The following PRMT7 variants were observed in gnomAD, a reference collection of about 807,000 sequenced individuals.
PRMT7 encodes protein arginine N-methyltransferase 7.
A neutral mutation model predicts 85.4 loss-of-function variants in PRMT7; 75 were observed. The observed-to-expected ratio is 0.88, with a 90% CI of 0.73 to 1.06. The LOEUF (loss-of-function observed/expected upper bound fraction) is 1.06, where lower values mean the gene tolerates loss of function less well. PRMT7 is among the 50% of genes least tolerant of loss of function. The probability of loss-of-function intolerance (pLI) is 0.00; values close to 1 mark genes in which losing one functional copy is unlikely to be tolerated. For missense variants in PRMT7, 868 were observed against 915.2 expected, an observed-to-expected ratio of 0.95 and a Z score of 0.67; for synonymous variants, 397 against 359.5, an observed-to-expected ratio of 1.10 and a Z score of -1.18.
chr16:68,315,126 AAG>A (rs998404718), intron 2 of PRMT7: 1 of 151,810 alleles, frequency 6.6e-6, no homozygotes, highest in Non-Finnish European at 1.5e-5. Context: ...AAAAAAAAAA[AAG>A]AAAAAGAATG....
intron 7 of PRMT7, among the ~76,000 whole-genome samples, chr16:68,338,992 G>T (rs1373722078): frequency 6.6e-6 from 1 of 152,168 alleles, no homozygotes; most frequent in Non-Finnish European, 1.5e-5. Flanking sequence ...TTGGTGCTGG[G>T]CAGGAGCGGC....
intron 9 of PRMT7, 125 bp from the exon 10 acceptor site, chr16:68,345,550 A>G (rs1263289804): frequency 2.9e-6 from 4 of 1,399,814 alleles, no homozygotes; most frequent in Admixed American, 3.7e-5. Flanking sequence ...CTTGGCCACA[A>G]TAGCCAGCTG....
At chr16:68,355,612 G>A (rs2088262309) in intron 16 of PRMT7, 111 bp from the exon 17 acceptor site, 1 of 1,166,534 alleles carries the variant, frequency 8.6e-7, no homozygotes, top group African/African-American at 1.6e-5. Context: ...ATCTTTATGG[G>A]AGAACGCACA....
intron 6 of PRMT7, among the ~76,000 whole-genome samples, chr16:68,337,249 G>A (rs906752647): frequency 1.3e-5 from 2 of 151,952 alleles, no homozygotes; most frequent in Non-Finnish European, 2.9e-5. Context: ...TTATCAATTA[G>A]CGTTTTGTCA....
intron 5 of PRMT7, among the ~76,000 whole-genome samples, chr16:68,325,742 G>C (rs2083035852): frequency 2.0e-5 from 3 of 149,234 alleles, no homozygotes; most frequent in Admixed American, 2.0e-4. Context: ...AGTGAGCCGA[G>C]ATTGCGCCAC....
At chr16:68,340,581 T>TA (rs34764923) in intron 9 of PRMT7, among the ~76,000 whole-genome samples, 141 of 142,748 alleles carry the variant, frequency 9.9e-4, no homozygotes, top group African/African-American at 1.5e-3. Context: ...AACCTGTCTC[T>TA]AAAAAAAAAA....
rs1171576890 is a variant in PRMT7, at chr16:68,339,348, A to G, written c.531A>G (p.Arg177=). The change falls in exon 8 of 19, where the codon AGA becomes AGG. Residue 177 remains arginine (R), a synonymous_variant. Coordinates refer to ENST00000441236, the MANE Select transcript of PRMT7 (RefSeq NM_019023.5). ...AAAATTGTGAGGCCGTGCCCCACAG[A>G]GCCACCGTCTATGCACAGCTGGTGG... ...VEENCEAVPH[R]ATVYAQLVES... is the part of the protein sequence containing the mutation. 6.2e-7 allele frequency: 1 copy of G among 1,614,174 alleles called. No individual in the cohort carries two copies. The highest frequency in any genetic ancestry group is 8.5e-7 in the Non-Finnish European group (1 of 1,180,018).
chr16:68,335,148 T>C (rs940961686), intron 6 of PRMT7, among the ~76,000 whole-genome samples: 6 of 152,204 alleles, frequency 3.9e-5, no homozygotes, highest in Admixed American at 2.6e-4. Context: ...TTTTAAGTTA[T>C]ATAATTGGTT....
chr16:68,320,975 A>C (rs887352791), intron 3 of PRMT7, among the ~76,000 whole-genome samples: 4 of 152,100 alleles, frequency 2.6e-5, no homozygotes, highest in African/African-American at 7.2e-5. Context: ...TCTAAAAATA[A>C]ACAAAAAAAT....
At chr16:68,316,149 C>G (rs369226832) in intron 3 of PRMT7, 75 bp downstream of exon 3, 4 of 1,290,858 alleles carry the variant, frequency 3.1e-6, no homozygotes, top group African/African-American at 2.9e-5. Context: ...GGGCTCCAGT[C>G]TGAGCGTGGG....
intron 6 of PRMT7, 22 bp from the exon 7 acceptor site, chr16:68,337,435 ACT>A (rs772890875): frequency 1.7e-5 from 26 of 1,548,526 alleles, no homozygotes; most frequent in Non-Finnish European, 2.1e-5. Context: ...CTTATGTCCA[ACT>A]CTGTTTTCTT....
At position 68,357,079 on chromosome 16, in the gene PRMT7, G is replaced by A; in HGVS notation, c.1934G>A (p.Cys645Tyr). 2 of 1,611,366 alleles carry A rather than the reference G, an allele frequency of 1.2e-6. No individual in the cohort carries two copies. Among genetic ancestry groups the A allele is most frequent in the Non-Finnish European group, 1.7e-6 (2 of 1,178,760 alleles). Residue 645 changes from cysteine (C) to tyrosine (Y), a missense_variant, in exon 19 of 19, where the codon TGC (cysteine) becomes TAC (tyrosine). By Grantham distance (194) the Cys-to-Tyr change is radical. Transcript: ENST00000441236. ...PEGGCCWNPH[C>Y]KQAVYFFSPA... The stretch of plus-strand genomic sequence containing the variant: ...GGGGGCTGCTGCTGGAACCCCCACT[G>A]CAAGCAGGCCGTCTACTTCTTCAGC...
rs776884435 is a variant in PRMT7 at position 68,339,540 on chromosome 16, C to T, written c.723C>T (p.Leu241=). Residue 241 remains leucine (L), a synonymous_variant, in exon 8 of 19, where the codon CTC becomes CTT. Transcript: ENST00000441236. ...NQVSPADFTV[L]SDVLPMFSID... is the part of the protein sequence containing the mutation. ...TGTCACCAGCCGACTTTACAGTCCT[C>T]AGCGATGTGCTGCCCATGTTCAGGT... is the stretch of plus-strand genomic sequence containing the variant. 4.3e-6 allele frequency: 7 copies of T among 1,613,948 alleles called. No individual in the cohort carries two copies. In the South Asian group the frequency reaches 5.5e-5, roughly 13 times the overall value.
intron 9 of PRMT7, among the ~76,000 whole-genome samples, chr16:68,340,643 A>C (rs2085379815): frequency 6.6e-6 from 1 of 151,972 alleles, no homozygotes; most frequent in Non-Finnish European, 1.5e-5. Flanking sequence ...TTCACCTACT[A>C]GTGAATAAAG....
chr16:68,337,399 C>A (rs1163877860), intron 6 of PRMT7, 60 bp from the exon 7 acceptor site: 2 of 1,166,822 alleles, frequency 1.7e-6, no homozygotes, highest in Non-Finnish European at 1.3e-6. Flanking sequence ...CCCATATTTG[C>A]TGTAAATATT....
chr16:68,349,736 C>T (rs2086990652), intron 14 of PRMT7, among the ~76,000 whole-genome samples: 2 of 151,670 alleles, frequency 1.3e-5, no homozygotes, highest in Non-Finnish European at 2.9e-5. Context: ...TCTATAAAAA[C>T]AAAAAAAATT....
chr16:68,337,492 T>G lies in PRMT7; in HGVS notation c.425T>G (p.Val142Gly). 1 of 1,612,494 alleles carries G rather than the reference T, an allele frequency of 6.2e-7. No homozygotes were observed. The highest frequency in any genetic ancestry group is 8.5e-7 in the Non-Finnish European group (1 of 1,179,262). The change falls in exon 7 of 19, where the codon GTC (valine) becomes GGC (glycine). Residue 142 changes from valine (V) to glycine (G), a missense_variant. Physicochemically the swap from Val to Gly is moderately radical, Grantham distance 109 (BLOSUM62 -3). Transcript: ENST00000441236. ...GDMPCRANIL[V>G]TELFDTELIG... ...ATGCCATGCCGTGCCAACATCCTGGTCACAGAGTTGTTTGACACAGAGCTG... is the reference window on the plus strand; with the variant it reads ...ATGCCATGCCGTGCCAACATCCTGGGCACAGAGTTGTTTGACACAGAGCTG...
intron 9 of PRMT7, among the ~76,000 whole-genome samples, chr16:68,341,573 C>A (rs1206975229): frequency 6.6e-6 from 1 of 152,136 alleles, no homozygotes; most frequent in East Asian, 1.9e-4. Flanking sequence ...CCATGCCTGG[C>A]TAATTTTGTA....
At chr16:68,315,843 T>C (rs2044671697) in intron 2 of PRMT7, 54 bp from the exon 3 acceptor site, 1 of 725,664 alleles carries the variant, frequency 1.4e-6, no homozygotes, top group African/African-American at 1.8e-5. Flanking sequence ...TGTTAATAGA[T>C]TTTTTTTCTG....
Sources: allele counts gnomAD v4.1 joint callset (sites outside exome capture counted in the v4.1 genomes callset), GRCh38; gene constraint gnomAD v4.1.1; transcripts MANE v1.5; gene names NCBI Gene and HGNC (gene_info 2026-07-23, HGNC 2026-07-21).